Variants in NKAIN3 observed in about 807,000 individuals in gnomAD.
The protein encoded by NKAIN3 is sodium/potassium-transporting ATPase subunit beta-1-interacting protein 3.
A neutral mutation model predicts 30.2 loss-of-function variants in NKAIN3; 25 were observed. The observed-to-expected ratio is 0.83, with a 90% CI of 0.60 to 1.16. NKAIN3 has a LOEUF of 1.16. Among genes scored for constraint, NKAIN3 ranks in the 50% most tolerant of loss-of-function variants. The pLI, the probability that NKAIN3 is intolerant of heterozygous loss-of-function variation, is 0.00. For synonymous variants in NKAIN3, 91 were observed against 89.6 expected, an observed-to-expected ratio of 1.02 and a Z score of -0.09; for missense variants, 225 against 254.1, an observed-to-expected ratio of 0.89 and a Z score of 0.78.
chr8:62,729,648 T>A (rs1815405919), intron 3 of NKAIN3, among the ~76,000 whole-genome samples: 1 of 152,122 alleles, frequency 6.6e-6, no homozygotes, highest in South Asian at 2.1e-4. Context: ...AAACTTTGTA[T>A]AACTGAAGTA....
intron 1 of NKAIN3, among the ~76,000 whole-genome samples, chr8:62,536,266 T>C (rs952813378): frequency 6.6e-6 from 1 of 152,138 alleles, no homozygotes; most frequent in Non-Finnish European, 1.5e-5. Flanking sequence ...CAAAAAGCAA[T>C]GCGGGCAAGC....
chr8:62,644,324 CTTCAGTGTACCATCTT>C (rs1812394479), intron 3 of NKAIN3, among the ~76,000 whole-genome samples: 1 of 152,198 alleles, frequency 6.6e-6, no homozygotes, highest in East Asian at 1.9e-4. Flanking sequence ...AATATCCTGA[CTTCAGTGTACCATCTT>C]TTCTTTTTGG....
chr8:62,543,874 A>AT (rs1265112178), intron 1 of NKAIN3, among the ~76,000 whole-genome samples: 2 of 152,138 alleles, frequency 1.3e-5, no homozygotes, highest in African/African-American at 4.8e-5. Context: ...TCTTATTTTT[A>AT]TTTTTTTATC....
intron 4 of NKAIN3, among the ~76,000 whole-genome samples, chr8:62,804,043 A>G (rs150308523): frequency 0.011 from 1,614 of 152,256 alleles, 22 homozygotes; most frequent in South Asian, 0.031. Context: ...TGACACATAC[A>G]CCCTCCCAAG....
chr8:62,558,676 T>C (rs1809479907), intron 1 of NKAIN3, among the ~76,000 whole-genome samples: 1 of 152,102 alleles, frequency 6.6e-6, no homozygotes, highest in Non-Finnish European at 1.5e-5. Context: ...TTTTTTGTTT[T>C]CAAATTCATT....
chr8:62,424,347 G>A (rs1435728716), intron 1 of NKAIN3, among the ~76,000 whole-genome samples: 4 of 151,666 alleles, frequency 2.6e-5, no homozygotes, highest in African/African-American at 7.3e-5. Flanking sequence ...ACATTTAACA[G>A]AGTAAAAAGG....
chr8:62,906,578 G>A (rs1363702203), intron 4 of NKAIN3, among the ~76,000 whole-genome samples: 1 of 152,202 alleles, frequency 6.6e-6, no homozygotes, highest in African/African-American at 2.4e-5. Flanking sequence ...CATGTCATGG[G>A]AGGGACCTGA....
intron 4 of NKAIN3, among the ~76,000 whole-genome samples, chr8:62,796,383 CAAA>C (rs71255362): frequency 9.8e-3 from 527 of 53,606 alleles, no homozygotes; most frequent in African/African-American, 0.036. Flanking sequence ...GACTCTGTCT[CAAA>C]AAAAAAAAAA....
downstream of NKAIN3, among the ~76,000 whole-genome samples, chr8:62,989,793 A>G (rs1420849486): frequency 1.3e-5 from 2 of 152,220 alleles, no homozygotes; most frequent in African/African-American, 2.4e-5. Flanking sequence ...GTCTTTCTAC[A>G]CCCTAAGAAA....
At chr8:62,386,232 A>G (rs1817421585) in intron 1 of NKAIN3, among the ~76,000 whole-genome samples, 1 of 152,200 alleles carries the variant, frequency 6.6e-6, no homozygotes, top group Admixed American at 6.6e-5. Flanking sequence ...AAATCAGGTA[A>G]ATGGCTTATT....
intron 4 of NKAIN3, among the ~76,000 whole-genome samples, chr8:62,800,322 G>A (rs1818014071): frequency 6.6e-6 from 1 of 152,184 alleles, no homozygotes; most frequent in Non-Finnish European, 1.5e-5. Flanking sequence ...TACTCGTGGA[G>A]GGGTTCATGC....
chr8:62,651,202 A>G (rs374312017), intron 3 of NKAIN3, among the ~76,000 whole-genome samples: 2 of 152,198 alleles, frequency 1.3e-5, no homozygotes, highest in East Asian at 3.9e-4. Context: ...TTTACAGAAC[A>G]ATGCTGATAC....
chr8:62,451,102 T>G (rs1207897248), intron 1 of NKAIN3, among the ~76,000 whole-genome samples: 2 of 152,200 alleles, frequency 1.3e-5, no homozygotes, highest in African/African-American at 4.8e-5. Flanking sequence ...TCACATTTCT[T>G]TGGAGAATAG....
At chr8:62,308,403 C>A (rs538477956) in intron 1 of NKAIN3, among the ~76,000 whole-genome samples, 1 of 150,260 alleles carries the variant, frequency 6.7e-6, no homozygotes, top group South Asian at 2.1e-4. Context: ...CTAGTGAGAA[C>A]CTTAATTCAA....
intron 1 of NKAIN3, among the ~76,000 whole-genome samples, chr8:62,359,771 G>A (rs974571195): frequency 6.6e-6 from 1 of 152,230 alleles, no homozygotes; most frequent in Non-Finnish European, 1.5e-5. Flanking sequence ...TACACAGACA[G>A]CACACTAATT....
intron 4 of NKAIN3, chr8:62,855,885 TAAAG>T (rs901844993): frequency 2.7e-5 from 21 of 768,766 alleles, no homozygotes; most frequent in Non-Finnish European, 5.1e-5. Flanking sequence ...AGCCACAAAA[TAAAG>T]AGAGATGTTC....
At chr8:62,988,503 G>A (rs983939259), downstream of NKAIN3, among the ~76,000 whole-genome samples, 4 of 152,248 alleles carry the variant, frequency 2.6e-5, no homozygotes, top group Non-Finnish European at 5.9e-5. Context: ...GCACCCACAA[G>A]CTCAACACCA....
intron 1 of NKAIN3, among the ~76,000 whole-genome samples, chr8:62,448,552 T>G (rs1805551369): frequency 2.0e-5 from 3 of 151,770 alleles, no homozygotes; most frequent in Non-Finnish European, 4.4e-5. Flanking sequence ...ATCTCTCTTT[T>G]TTAACATAAT....
At chr8:62,268,693 A>G (rs1812682135) in intron 1 of NKAIN3, among the ~76,000 whole-genome samples, 1 of 152,160 alleles carries the variant, frequency 6.6e-6, no homozygotes, top group Non-Finnish European at 1.5e-5. Context: ...AGATAGGGAA[A>G]AGGAGACATC....
Sources: allele counts gnomAD v4.1 joint callset (sites outside exome capture counted in the v4.1 genomes callset), GRCh38; gene constraint gnomAD v4.1.1; transcripts MANE v1.5; gene names NCBI Gene and HGNC (gene_info 2026-07-23, HGNC 2026-07-21).